The following LIFR variants were observed in gnomAD, a reference collection of about 807,000 sequenced individuals.
LIFR encodes the protein leukemia inhibitory factor receptor.
Under a neutral mutation model 122.2 loss-of-function variants are expected in LIFR, and 84 were observed. The observed-to-expected ratio is 0.69, with a 90% confidence interval of 0.58 to 0.82. The LOEUF (loss-of-function observed/expected upper bound fraction) is 0.82. Among genes scored for constraint, LIFR ranks in the 40% least tolerant of loss-of-function variants. LIFR has a pLI of 0.00. For missense variants in LIFR, 1,294 were observed against 1,311.6 expected (o/e 0.99, Z 0.21); for synonymous variants, 422 against 434.7 (o/e 0.97, Z 0.36).
chr5:38,578,478 T>G (rs1229927261), intron 1 of LIFR, among the ~76,000 whole-genome samples: 1 of 151,986 alleles, frequency 6.6e-6, no homozygotes, highest in African/African-American at 2.4e-5. Flanking sequence ...AGTGCTCAGA[T>G]TATAGGCATG....
At chr5:38,605,440 CACAGT>C (rs1750308713) in intron 2 of LIFR, among the ~76,000 whole-genome samples, 1 of 152,126 alleles carries the variant, frequency 6.6e-6, no homozygotes, top group Non-Finnish European at 1.5e-5. Flanking sequence ...GGGTGATAAT[CACAGT>C]ACCCCTTCCT....
At chr5:38,486,302 C>T (rs1744283633) in intron 16 of LIFR, among the ~76,000 whole-genome samples, 1 of 152,150 alleles carries the variant, frequency 6.6e-6, no homozygotes, top group Admixed American at 6.5e-5. Context: ...AATAATAGTC[C>T]CATTTCTGCT....
chr5:38,475,642 A>G lies in LIFR; in HGVS notation c.*5953T>C, dbSNP rs1252517135. The G allele has an allele frequency of 5.4e-6, 1 of 185,762 alleles. No homozygotes were observed. The highest frequency in any genetic ancestry group is 2.3e-5 in the African/African-American group (1 of 42,704). 11.5% of individuals were successfully genotyped at this position (185,762 alleles called of 1,614,324 possible). On this transcript the variant is annotated 3_prime_UTR_variant, in exon 20 of 20. Coordinates refer to ENST00000453190, the MANE Select transcript of LIFR (RefSeq NM_001127671.2). Reference sequence around the variant, plus strand: ...AAAACATTCATTCTACAAACCTTATAAAAGACAGAAACTTATATCTGTTCA... The same window carrying G: ...AAAACATTCATTCTACAAACCTTATGAAAGACAGAAACTTATATCTGTTCA...
chr5:38,528,871 C>G (rs756593627), intron 2 of LIFR, 31 bp from the exon 3 acceptor site: 3 of 500,498 alleles, frequency 6.0e-6, no homozygotes, highest in African/African-American at 2.5e-5. Context: ...CACACACACA[C>G]ACACACAGAC....
At chr5:38,523,313 A>T (rs2112543991) in intron 5 of LIFR, 106 bp downstream of exon 5, 1 of 852,914 alleles carries the variant, frequency 1.2e-6, no homozygotes, top group Non-Finnish European at 1.9e-6. Flanking sequence ...TATCTGATTT[A>T]CTTCCTAAAT....
At chr5:38,602,604 T>C (rs1750242498) in intron 2 of LIFR, among the ~76,000 whole-genome samples, 1 of 152,190 alleles carries the variant, frequency 6.6e-6, no homozygotes. Context: ...TATCTTGCCG[T>C]CTAAATTCTG....
At chr5:38,492,469 G>A (rs1003027217) in intron 14 of LIFR, among the ~76,000 whole-genome samples, 1 of 152,182 alleles carries the variant, frequency 6.6e-6, no homozygotes, top group Non-Finnish European at 1.5e-5. Context: ...GGGGATGGAA[G>A]GGAAGGTGCA....
chr5:38,484,720 T>C, intron 18 of LIFR, 55 bp downstream of exon 18: 2 of 1,140,692 alleles, frequency 1.8e-6, no homozygotes, highest in Non-Finnish European at 2.7e-6. Context: ...ATCTTACAAA[T>C]CTTATAATCA....
At chr5:38,547,467 A>T (rs1747957930) in intron 1 of LIFR, among the ~76,000 whole-genome samples, 1 of 152,186 alleles carries the variant, frequency 6.6e-6, no homozygotes, top group Non-Finnish European at 1.5e-5. Flanking sequence ...ACATGAAAAC[A>T]TGACTCAAGA....
At chr5:38,603,755 A>C (rs1750269241) in intron 2 of LIFR, among the ~76,000 whole-genome samples, 1 of 152,136 alleles carries the variant, frequency 6.6e-6, no homozygotes, top group Non-Finnish European at 1.5e-5. Context: ...CCAGGGACTA[A>C]ACTTCAGGAT....
rs1743841765 is a variant in LIFR at position 38,478,814 on chromosome 5, T to G, written c.*2781A>C. On this transcript the variant is annotated 3_prime_UTR_variant, in exon 20 of 20. Coordinates refer to ENST00000453190, the MANE Select transcript of LIFR (RefSeq NM_001127671.2). ...TAATGCTAGTTTGACAATTAGATTTTTCTAACCAATGACTGGGCTTTCACT... is the reference window on the plus strand; with the variant it reads ...TAATGCTAGTTTGACAATTAGATTTGTCTAACCAATGACTGGGCTTTCACT... The G allele has an allele frequency of 4.5e-6, 1 of 221,216 alleles. No individual in the cohort carries two copies. The allele number at this position is 221,216 out of a possible 1,614,324, so 13.7% of individuals were successfully genotyped here. A position where few individuals can be genotyped will look rare whatever the true frequency, so the allele number is the denominator to read the frequency against.
In LIFR at chr5:38,479,771, GGATACAA is replaced by G. The variant is rs1359126887; in HGVS notation, c.*1817_*1823del. 4 of 231,298 alleles carry G rather than the reference GGATACAA, an allele frequency of 1.7e-5. No individual in the cohort carries two copies. The highest frequency in any genetic ancestry group is 4.4e-5 in the African/African-American group (2 of 45,208). The allele number at this position is 231,298 out of a possible 1,614,324, so 14.3% of individuals were successfully genotyped here. On this transcript the variant is annotated 3_prime_UTR_variant, in exon 20 of 20. Transcript: ENST00000453190. ...GGAAGCTAAGGGAAGGAGCCAAAGA[GGATACAA>G]AGGAAGACAAGAGAACACTCTTTAG...
At chr5:38,535,316 T>A (rs992749711) in intron 1 of LIFR, among the ~76,000 whole-genome samples, 10 of 152,190 alleles carry the variant, frequency 6.6e-5, no homozygotes, top group African/African-American at 2.4e-4. Flanking sequence ...GGAGGTATGT[T>A]TGTCATTGCC....
intron 1 of LIFR, among the ~76,000 whole-genome samples, chr5:38,585,792 A>G (rs987073457): frequency 1.3e-5 from 2 of 152,166 alleles, no homozygotes; most frequent in African/African-American, 4.8e-5. Flanking sequence ...AAATAACATA[A>G]TAATTTTAAA....
At chr5:38,517,779 C>T (rs1468985209) in intron 5 of LIFR, among the ~76,000 whole-genome samples, 1 of 143,980 alleles carries the variant, frequency 6.9e-6, no homozygotes, top group Non-Finnish European at 1.5e-5. Flanking sequence ...ATAGCTTGAA[C>T]CCGGGATTTG....
At chr5:38,536,664 T>A (rs1747311038) in intron 1 of LIFR, among the ~76,000 whole-genome samples, 2 of 152,212 alleles carry the variant, frequency 1.3e-5, no homozygotes, top group Non-Finnish European at 2.9e-5. Context: ...ACCCAGCTAT[T>A]TCATAAAGAG....
At chr5:38,568,522 A>G (rs1196125892) in intron 1 of LIFR, among the ~76,000 whole-genome samples, 1 of 152,174 alleles carries the variant, frequency 6.6e-6, no homozygotes, top group African/African-American at 2.4e-5. Flanking sequence ...TCTTCTGCAC[A>G]TGATGGCAAG....
intron 17 of LIFR, chr5:38,485,609 T>G: frequency 1.7e-6 from 1 of 604,026 alleles, no homozygotes; most frequent in Non-Finnish European, 2.9e-6. Context: ...ATTTCTTAGG[T>G]ACTCATTTGG....
At chr5:38,601,984 T>C (rs1320162058) in intron 2 of LIFR, among the ~76,000 whole-genome samples, 2 of 152,190 alleles carry the variant, frequency 1.3e-5, no homozygotes, top group Non-Finnish European at 2.9e-5. Context: ...CCTTGACTCA[T>C]CAACCTTTCT....
Sources: allele counts gnomAD v4.1 joint callset (sites outside exome capture counted in the v4.1 genomes callset), GRCh38; gene constraint gnomAD v4.1.1; transcripts MANE v1.5; gene names NCBI Gene and HGNC (gene_info 2026-07-23, HGNC 2026-07-21).